The following CFAP70 variants were observed in gnomAD, a reference collection of about 807,000 sequenced individuals.
CFAP70 encodes cilia- and flagella-associated protein 70.
A neutral mutation model predicts 137.6 loss-of-function variants in CFAP70; 81 were observed. That is an observed-to-expected ratio of 0.59 (90% CI 0.49 to 0.71). CFAP70 has a LOEUF of 0.71. Ranked by LOEUF, CFAP70 falls within the 30% of genes least tolerant of loss-of-function variation. CFAP70 has a pLI of 0.00. For synonymous variants in CFAP70, 382 were observed against 423.6 expected, an observed-to-expected ratio of 0.90 and a Z score of 1.20; for missense variants, 976 against 1,226.7, an observed-to-expected ratio of 0.80 and a Z score of 3.05.
chr10:73,256,567 T>A, intron 25 of CFAP70, 151 bp from the exon 27 acceptor site: 1 of 773,660 alleles, frequency 1.3e-6, no homozygotes, highest in Non-Finnish European at 2.1e-6. Context: ...GAGGAAAAAC[T>A]AGCAAATGAA....
chr10:73,348,127 G>A (rs759116236), intron 4 of CFAP70, 29 bp downstream of exon 5: 2 of 1,599,644 alleles, frequency 1.3e-6, no homozygotes, highest in East Asian at 2.2e-5. Context: ...ATGGCAGGCT[G>A]AAATGTTGAG....
At chr10:73,356,837 T>C (rs183006111) in intron 1 of CFAP70, among the ~76,000 whole-genome samples, 1 of 152,354 alleles carries the variant, frequency 6.6e-6, no homozygotes, top group Admixed American at 6.5e-5. Context: ...AAAAGCCTCC[T>C]AACTGGTGTC....
At chr10:73,355,805 G>A (rs1195650381) in intron 1 of CFAP70, among the ~76,000 whole-genome samples, 12 of 152,078 alleles carry the variant, frequency 7.9e-5, no homozygotes, top group African/African-American at 2.9e-4. Context: ...ATATATTACC[G>A]TGTAATACTA....
intron 3 of CFAP70, among the ~76,000 whole-genome samples, chr10:73,351,041 A>G (rs868684705): frequency 1.0e-3 from 84 of 82,498 alleles, no homozygotes; most frequent in African/African-American, 3.9e-3. Flanking sequence ...ATATGTGTGT[A>G]TATATGTGTG....
Position 73,299,028 on chromosome 10 carries a change from C to G in CFAP70, c.1391G>C (p.Gly464Ala), listed in dbSNP as rs750554217. 6 of 1,613,794 alleles carry G rather than the reference C, an allele frequency of 3.7e-6. No homozygotes were observed. The Admixed American group carries it at 1.0e-4, about 27-fold the overall frequency. Residue 464 changes from glycine (G) to alanine (A), a missense_variant, in exon 14 of 27, where the codon GGA (glycine) becomes GCA (alanine). Gly to Ala is a moderately conservative substitution (Grantham distance 60). Transcript: ENST00000310715. Reference sequence around the variant, plus strand: ...ACTCTCCAGTTTGGCCACCTGTTTTCCAAACATTCTGTAGTATTCATCTAG... The same window carrying G: ...ACTCTCCAGTTTGGCCACCTGTTTTGCAAACATTCTGTAGTATTCATCTAG...
At chr10:73,283,649 C>T (rs1458081278) in intron 19 of CFAP70, among the ~76,000 whole-genome samples, 5 of 152,182 alleles carry the variant, frequency 3.3e-5, no homozygotes, top group Non-Finnish European at 2.9e-5. Context: ...AACACAGCTA[C>T]TCCAGCTTAC....
intron 3 of CFAP70, 50 bp from the exon 4 acceptor site, chr10:73,348,571 G>A (rs759345263): frequency 2.7e-5 from 32 of 1,195,648 alleles, no homozygotes; most frequent in South Asian, 5.0e-5. Context: ...ACATCTATCC[G>A]ATAACCAAGC....
At chr10:73,272,929 C>T (rs918915334) in exon 24 of CFAP70, 3 of 1,551,816 alleles carry the variant, frequency 1.9e-6, no homozygotes, top group Non-Finnish European at 2.6e-6. Context: ...TCCTCTTACC[C>T]GATAGCAGGC....
At chr10:73,326,374 A>G (rs2051423824) in intron 8 of CFAP70, among the ~76,000 whole-genome samples, 1 of 147,672 alleles carries the variant, frequency 6.8e-6, no homozygotes, top group African/African-American at 2.5e-5. Context: ...AATGCCCACA[A>G]GAGAAAGCAG....
chr10:73,283,062 A>T (rs1257039469), intron 19 of CFAP70, among the ~76,000 whole-genome samples: 1 of 151,964 alleles, frequency 6.6e-6, no homozygotes, highest in African/African-American at 2.4e-5. Flanking sequence ...CAAACTACTG[A>T]CTTCAAGTGA....
intron 4 of CFAP70, among the ~76,000 whole-genome samples, 193 bp from the exon 6 acceptor site, chr10:73,345,437 T>G (rs932132208): frequency 6.6e-6 from 1 of 152,136 alleles, no homozygotes; most frequent in African/African-American, 2.4e-5. Context: ...AACCCTAAAC[T>G]AGATCCCTTC....
At chr10:73,358,258 C>G (rs1199469530) in intron 1 of CFAP70, among the ~76,000 whole-genome samples, 1 of 152,308 alleles carries the variant, frequency 6.6e-6, no homozygotes, top group Non-Finnish European at 1.5e-5. Context: ...GCGTTCGCGT[C>G]GTGTTTGAAT....
At chr10:73,273,526 T>C (rs1042957949) in intron 23 of CFAP70, among the ~76,000 whole-genome samples, 1 of 152,256 alleles carries the variant, frequency 6.6e-6, no homozygotes, top group African/African-American at 2.4e-5. Flanking sequence ...TTTCTTGTCC[T>C]GTATCTCCAA....
intron 8 of CFAP70, among the ~76,000 whole-genome samples, chr10:73,323,468 T>C (rs1486774525): frequency 6.6e-6 from 1 of 152,006 alleles, no homozygotes; most frequent in African/African-American, 2.4e-5. Context: ...TGCCAGACAG[T>C]GGGCACAGGT....
Position 73,311,933 on chromosome 10 carries a change from AC to A in CFAP70, c.1084-20del. 1 of 1,596,816 alleles carries A rather than the reference AC, an allele frequency of 6.3e-7. No homozygotes were observed. On this transcript the variant is annotated intron_variant, in intron 10 of 26. Transcript: ENST00000310715. ...GTGCCTGCTGAAAGAAAATGAACAC[AC>A]CTCAAAAATTGAATTCCTACACAGT...
intron 15 of CFAP70, 128 bp from the exon 17 acceptor site, chr10:73,293,516 A>C: frequency 1.3e-6 from 1 of 758,524 alleles, no homozygotes; most frequent in Non-Finnish European, 2.0e-6. Flanking sequence ...GTCTATAATG[A>C]CAGTCTTGCC....
At chr10:73,342,203 C>T (rs2053310410) in intron 5 of CFAP70, among the ~76,000 whole-genome samples, 1 of 152,074 alleles carries the variant, frequency 6.6e-6, no homozygotes, top group Admixed American at 6.6e-5. Context: ...TAAACAAAAA[C>T]ATGCTATGTT....
chr10:73,340,428 G>T (rs2053143230), intron 6 of CFAP70, among the ~76,000 whole-genome samples: 1 of 152,236 alleles, frequency 6.6e-6, no homozygotes, highest in Non-Finnish European at 1.5e-5. Context: ...CATGGGTGGG[G>T]CCAGAAAAGT....
At chr10:73,351,743 T>C (rs1191039240) in intron 3 of CFAP70, among the ~76,000 whole-genome samples, 3 of 152,228 alleles carry the variant, frequency 2.0e-5, no homozygotes, top group African/African-American at 7.2e-5. Context: ...TTATGTTTTT[T>C]AATTCAATTT....
Sources: gnomAD v4.1 joint callset for allele counts (sites outside exome capture counted in the v4.1 genomes callset) on GRCh38, gnomAD v4.1.1 for gene constraint, MANE v1.5 for transcripts, NCBI Gene and HGNC (gene_info 2026-07-23, HGNC 2026-07-21) for gene names.